The following KAZN variants were observed in gnomAD, a reference collection of about 807,000 sequenced individuals.
KAZN encodes kazrin, periplakin interacting protein.
In KAZN, 40 loss-of-function variants were observed where a neutral mutation model predicts 87.4. The ratio of observed to expected loss-of-function variants is 0.46; its 90% CI spans 0.36 to 0.60. The LOEUF is 0.60. Ranked by LOEUF, KAZN falls within the 20% of genes least tolerant of loss-of-function variation. The pLI is 0.00. For missense variants in KAZN, 898 were observed against 1,073.9 expected, an observed-to-expected ratio of 0.84 and a Z score of 2.29; for synonymous variants, 466 against 458.3, an observed-to-expected ratio of 1.02 and a Z score of -0.22.
rs568981647 is a variant in KAZN at position 14,483,795 on chromosome 1, G to A, written c.250-115188G>A. Among the ~76,000 whole-genome samples, 362 of 152,144 alleles carry A rather than the reference G, an allele frequency of 2.4e-3. 2 individuals carry two copies. Among genetic ancestry groups the A allele is most frequent in the African/African-American group, 8.2e-3 (341 of 41,514 alleles). On this transcript the variant is annotated intron_variant, in intron 2 of 16. Coordinates refer to the KAZN transcript ENST00000636203. ...ATCCTATTTGTCTGTTTTCACTTTT[G>A]TTGCCCCTATTTTTGGGGTCATAGA...
chr1:14,627,090 G>T (rs1679199906), intron 1 of KAZN, among the ~76,000 whole-genome samples: 1 of 152,012 alleles, frequency 6.6e-6, no homozygotes, highest in Non-Finnish European at 1.5e-5. Context: ...CCAGTAGGGG[G>T]AAAGACACAG....
intron 2 of KAZN, among the ~76,000 whole-genome samples, chr1:14,219,225 AG>A (rs1242375233): frequency 2.0e-5 from 3 of 152,168 alleles, no homozygotes; most frequent in African/African-American, 7.2e-5. Context: ...TGTAAAGGAA[AG>A]CTCAGAAGCG....
intron 1 of KAZN, among the ~76,000 whole-genome samples, chr1:14,655,842 G>A (rs973777775): frequency 1.3e-5 from 2 of 152,134 alleles, no homozygotes; most frequent in East Asian, 1.9e-4. Flanking sequence ...AGGTTCAAGC[G>A]GCCAAAGAAG....
chr1:14,986,949 AC>A (rs1281058257), intron 2 of KAZN, among the ~76,000 whole-genome samples: 9 of 151,076 alleles, frequency 6.0e-5, no homozygotes, highest in Non-Finnish European at 2.9e-5. Flanking sequence ...TGTCAGGAAC[AC>A]AGATAGTCAT....
Position 13,895,424 on chromosome 1 carries a change from G to C in KAZN, c.91+1668G>C, listed in dbSNP as rs77132155. Among the ~76,000 whole-genome samples the C allele has an allele frequency of 8.4e-3, 1,284 of 152,134 alleles. 25 individuals are homozygous for C. The highest frequency in any genetic ancestry group is 0.029 in the African/African-American group (1,196 of 41,492). On this transcript the variant is annotated intron_variant, in intron 1 of 16. Transcript: ENST00000636203. ...TTCACTTTCTTTTAGAAGCACCCAG[G>C]CCTAAATCAGGCCATGAAATCCTCT...
intron 1 of KAZN, among the ~76,000 whole-genome samples, chr1:13,932,810 G>C (rs1049107052): frequency 4.6e-5 from 7 of 152,128 alleles, no homozygotes; most frequent in African/African-American, 1.7e-4. Context: ...TGGGGAGGAG[G>C]TTGTCACGCA....
At position 14,675,316 on chromosome 1, in the gene KAZN, G is replaced by A. The variant is rs144406287; in HGVS notation, c.226+76093G>A. Among the ~76,000 whole-genome samples, 350 of 152,332 alleles carry A rather than the reference G, an allele frequency of 2.3e-3. 1 individual carries two copies. Among genetic ancestry groups the A allele is most frequent in the African/African-American group, 8.1e-3 (338 of 41,580 alleles). On this transcript the variant is annotated intron_variant, in intron 1 of 14. Transcript: ENST00000376030. Reference sequence around the variant, plus strand: ...GAAGTCAAGTTCTCAGAGTGCGTCTGGGATACTCAGCATCAGGAGAGGGCC... The same window carrying A: ...GAAGTCAAGTTCTCAGAGTGCGTCTAGGATACTCAGCATCAGGAGAGGGCC...
chr1:14,665,079 G>A (rs1639438354), intron 1 of KAZN, among the ~76,000 whole-genome samples: 1 of 152,164 alleles, frequency 6.6e-6, no homozygotes, highest in South Asian at 2.1e-4. Context: ...TACATTTGGG[G>A]TTGTCCATGT....
intron 2 of KAZN, among the ~76,000 whole-genome samples, chr1:14,990,910 A>G (rs1667286719): frequency 6.6e-6 from 1 of 151,226 alleles, no homozygotes; most frequent in Admixed American, 6.7e-5. Flanking sequence ...AAAATGGATC[A>G]GGGGAAATGT....
chr1:13,929,201 C>T (rs950140132), intron 1 of KAZN, among the ~76,000 whole-genome samples: 2 of 152,072 alleles, frequency 1.3e-5, no homozygotes, highest in South Asian at 2.1e-4. Flanking sequence ...ATTACAAGCA[C>T]GAGCCTGGCC....
Position 14,372,148 on chromosome 1 carries a change from G to A in KAZN, c.249+191556G>A, listed in dbSNP as rs111259566. On this transcript the variant is annotated intron_variant, in intron 2 of 16. Transcript: ENST00000636203. ...CCTTACTTTGGGAAAAGCAAATGAC[G>A]AGTTTGTATCAAAGATTGTTAACTG... Among the ~76,000 whole-genome samples, 1,436 of 152,272 alleles carry A rather than the reference G, an allele frequency of 9.4e-3. 11 individuals carry two copies. Among genetic ancestry groups the A allele is most frequent in the Non-Finnish European group, 0.015 (1,000 of 68,026 alleles).
chr1:14,170,160 T>G (rs1231345711), intron 1 of KAZN, among the ~76,000 whole-genome samples: 1 of 152,154 alleles, frequency 6.6e-6, no homozygotes, highest in African/African-American at 2.4e-5. Flanking sequence ...CCCCACAGGC[T>G]CAGTCAGAGC....
intron 1 of KAZN, among the ~76,000 whole-genome samples, chr1:14,829,452 C>G (rs1171610941): frequency 6.6e-6 from 1 of 152,174 alleles, no homozygotes; most frequent in African/African-American, 2.4e-5. Context: ...TGCCTATAAT[C>G]CCAGCTACTC....
chr1:14,200,353 T>C (rs1646613613), intron 2 of KAZN, among the ~76,000 whole-genome samples: 1 of 152,214 alleles, frequency 6.6e-6, no homozygotes, highest in Non-Finnish European at 1.5e-5. Flanking sequence ...GAGATAATAG[T>C]TTTTATTTCA....
chr1:14,798,318 C>A (rs1036354612), intron 1 of KAZN, among the ~76,000 whole-genome samples: 1 of 151,750 alleles, frequency 6.6e-6, no homozygotes, highest in Non-Finnish European at 1.5e-5. Flanking sequence ...GGGCAGCATC[C>A]AAGCAACTTG....
chr1:14,661,822 G>A (rs564287912), intron 1 of KAZN, among the ~76,000 whole-genome samples: 13 of 152,172 alleles, frequency 8.5e-5, no homozygotes, highest in South Asian at 4.1e-4. Flanking sequence ...TGGCTGAGGC[G>A]TGAGGATCAC....
At chr1:13,977,856 G>C (rs1351389595) in intron 1 of KAZN, among the ~76,000 whole-genome samples, 4 of 152,242 alleles carry the variant, frequency 2.6e-5, no homozygotes, top group Admixed American at 2.0e-4. Flanking sequence ...GACTGGGCAC[G>C]GTGGCTCACG....
chr1:14,296,748 G>T (rs1352764363), intron 2 of KAZN, among the ~76,000 whole-genome samples: 4 of 142,370 alleles, frequency 2.8e-5, no homozygotes, highest in African/African-American at 1.1e-4. Context: ...CAATTCTCCT[G>T]CCTCAGCCTC....
Position 14,996,955 on chromosome 1 carries a change from T to C in KAZN, c.418+36080T>C, listed in dbSNP as rs1667933852. On this transcript the variant is annotated intron_variant, in intron 2 of 14. Coordinates refer to ENST00000376030, the MANE Select transcript of KAZN (RefSeq NM_201628.3). This position sits in a 1 kb window ranked among gnomAD's most constrained non-coding sequence, Gnocchi z 5.9. ...CTGTTCCTCAAATGCTCTGAGGCTG[T>C]GTGTTCCCCCAGGCACCCTGTGCTT... Among the ~76,000 whole-genome samples, 2 of 152,146 alleles carry C rather than the reference T, an allele frequency of 1.3e-5. No individual in the cohort carries two copies. The highest frequency in any genetic ancestry group is 1.3e-4 in the Admixed American group (2 of 15,280).
Sources: gnomAD v4.1 joint callset for allele counts (sites outside exome capture counted in the v4.1 genomes callset) on GRCh38, gnomAD v4.1.1 for gene constraint, Gnocchi (gnomAD v3.1) non-coding constraint, MANE v1.5 for transcripts, NCBI Gene and HGNC (gene_info 2026-07-23, HGNC 2026-07-21) for gene names.